The following SYNPR variants were observed in gnomAD, a reference collection of about 807,000 sequenced individuals.
SYNPR encodes the protein synaptoporin.
Under a neutral mutation model 32.9 loss-of-function variants are expected in SYNPR, and 23 were observed. That is an observed-to-expected ratio of 0.70 (90% CI 0.50 to 0.99). SYNPR has a LOEUF of 0.99. Ranked by LOEUF, SYNPR falls within the 50% of genes least tolerant of loss-of-function variation. The probability of loss-of-function intolerance (pLI) is 0.00; values close to 1 mark genes in which losing one functional copy is unlikely to be tolerated. For missense variants in SYNPR, 318 were observed against 349.3 expected (o/e 0.91, Z 0.71); for synonymous variants, 146 against 135.9 (o/e 1.07, Z -0.52).
At chr3:63,503,333 T>C (rs544248745) in intron 3 of SYNPR, among the ~76,000 whole-genome samples, 27 of 152,272 alleles carry the variant, frequency 1.8e-4, no homozygotes, top group Middle Eastern at 3.4e-3. Flanking sequence ...GTTTTTTGTG[T>C]ATCCTGGATA....
intron 4 of SYNPR, among the ~76,000 whole-genome samples, chr3:63,562,092 G>A (rs72887401): frequency 0.042 from 6,455 of 152,166 alleles, 480 homozygotes; most frequent in African/African-American, 0.15. Flanking sequence ...AAATGTCCGT[G>A]TGAATGGTGC....
At chr3:63,512,779 G>A (rs1701721522) in intron 3 of SYNPR, among the ~76,000 whole-genome samples, 1 of 152,132 alleles carries the variant, frequency 6.6e-6, no homozygotes, top group African/African-American at 2.4e-5. Flanking sequence ...TCCTATTTCT[G>A]ACCTGTGAAA....
chr3:63,476,321 C>CAGG (rs1700919096), intron 2 of SYNPR, among the ~76,000 whole-genome samples: 4 of 25,280 alleles, frequency 1.6e-4, no homozygotes, highest in Admixed American at 6.0e-4. Flanking sequence ...GGGAGGGAAG[C>CAGG]AAGGGAAGGA....
upstream of SYNPR, among the ~76,000 whole-genome samples, chr3:63,276,910 A>T (rs28472800): frequency 2.8e-5 from 2 of 72,036 alleles, no homozygotes; most frequent in South Asian, 6.3e-4. Context: ...CACCCCCCCC[A>T]CCAACACACA....
intron 2 of SYNPR, among the ~76,000 whole-genome samples, chr3:63,331,542 A>G (rs537094519): frequency 6.6e-6 from 1 of 152,298 alleles, no homozygotes; most frequent in African/African-American, 2.4e-5. Context: ...ATGCTCACGT[A>G]TCTTTATACT....
At chr3:63,504,596 A>G (rs1041328390) in intron 3 of SYNPR, among the ~76,000 whole-genome samples, 2 of 152,170 alleles carry the variant, frequency 1.3e-5, no homozygotes, top group Non-Finnish European at 2.9e-5. Context: ...CTAAAATGCT[A>G]TGCATTTACA....
chr3:63,474,060 G>T (rs1171945641), intron 2 of SYNPR, among the ~76,000 whole-genome samples: 1 of 152,168 alleles, frequency 6.6e-6, no homozygotes, highest in African/African-American at 2.4e-5. Flanking sequence ...GGATGGGGAA[G>T]GAAGGAAAGC....
intron 2 of SYNPR, among the ~76,000 whole-genome samples, chr3:63,265,946 C>T (rs951129694): frequency 4.6e-5 from 7 of 152,184 alleles, no homozygotes; most frequent in African/African-American, 7.2e-5. Flanking sequence ...TTTAATATTG[C>T]GTTTTACCTC....
At chr3:63,409,864 T>C (rs1165383682) in intron 2 of SYNPR, among the ~76,000 whole-genome samples, 5 of 152,150 alleles carry the variant, frequency 3.3e-5, no homozygotes, top group Admixed American at 1.3e-4. Context: ...TAATAAAGTA[T>C]GAGTAGAAGT....
intron 2 of SYNPR, among the ~76,000 whole-genome samples, chr3:63,379,427 A>G (rs1247213413): frequency 1.3e-5 from 2 of 152,100 alleles, no homozygotes; most frequent in Admixed American, 1.3e-4. Context: ...TAATGTCCCT[A>G]AAAACAATTG....
At chr3:63,252,661 G>C (rs1346116129) in intron 2 of SYNPR, 1 of 152,134 alleles carries the variant, frequency 6.6e-6, no homozygotes, top group Non-Finnish European at 1.5e-5. Context: ...ACAAAATCCT[G>C]CGTTTTCATA....
upstream of SYNPR, among the ~76,000 whole-genome samples, chr3:63,277,452 G>A (rs1272043239): frequency 2.6e-5 from 4 of 152,118 alleles, no homozygotes; most frequent in Admixed American, 6.5e-5. Context: ...TTGGAGGAGG[G>A]ACCCAGTGTT....
intron 4 of SYNPR, among the ~76,000 whole-genome samples, chr3:63,584,193 G>A (rs1703142748): frequency 6.6e-6 from 1 of 152,080 alleles, no homozygotes; most frequent in Non-Finnish European, 1.5e-5. Context: ...CAGCCTTAAG[G>A]AGGGCCTTCA....
At chr3:63,601,150 T>A (rs568351477) in intron 4 of SYNPR, among the ~76,000 whole-genome samples, 1 of 151,990 alleles carries the variant, frequency 6.6e-6, no homozygotes, top group African/African-American at 2.4e-5. Context: ...CACATGGCTA[T>A]AATCTCAGCT....
At chr3:63,442,576 G>A (rs1202405948) in intron 2 of SYNPR, among the ~76,000 whole-genome samples, 1 of 152,144 alleles carries the variant, frequency 6.6e-6, no homozygotes, top group Non-Finnish European at 1.5e-5. Context: ...CGAAGTAGTC[G>A]AGCTGAACTC....
chr3:63,293,554 G>C (rs1453894374), intron 2 of SYNPR, among the ~76,000 whole-genome samples: 1 of 152,146 alleles, frequency 6.6e-6, no homozygotes, highest in Non-Finnish European at 1.5e-5. Context: ...TAATTTGCTA[G>C]AGACTTACAA....
chr3:63,439,110 G>A (rs1025718502), intron 2 of SYNPR, among the ~76,000 whole-genome samples: 4 of 152,294 alleles, frequency 2.6e-5, no homozygotes, highest in Admixed American at 1.3e-4. Flanking sequence ...TCCACCAAAG[G>A]GGAGAGAAGC....
At chr3:63,485,581 C>A (rs982570522) in intron 3 of SYNPR, among the ~76,000 whole-genome samples, 14 of 152,020 alleles carry the variant, frequency 9.2e-5, no homozygotes, top group African/African-American at 2.2e-4. Context: ...TATTTTCTCA[C>A]AGACCAATAC....
chr3:63,409,399 C>T (rs2088431843), intron 2 of SYNPR, among the ~76,000 whole-genome samples: 1 of 152,092 alleles, frequency 6.6e-6, no homozygotes, highest in South Asian at 2.1e-4. Flanking sequence ...GAAAAGCACA[C>T]AAACTGATGC....
Sources: allele counts gnomAD v4.1 joint callset (sites outside exome capture counted in the v4.1 genomes callset), GRCh38; gene constraint gnomAD v4.1.1; transcripts MANE v1.5; gene names NCBI Gene and HGNC (gene_info 2026-07-23, HGNC 2026-07-21).